Variants in NRXN1 observed in about 807,000 individuals in gnomAD.
The protein encoded by NRXN1 is neurexin-1.
NRXN1 carries 39 observed loss-of-function variants against 150.9 expected under a neutral mutation model. That is an observed-to-expected ratio of 0.26 (90% CI 0.20 to 0.34). NRXN1 has a LOEUF of 0.34. Ranked by LOEUF, NRXN1 falls within the 10% of genes least tolerant of loss-of-function variation. The pLI is 1.00. For missense variants in NRXN1, 1,815 were observed against 1,949.9 expected (o/e 0.93, Z 1.30); for synonymous variants, 924 against 757.0 (o/e 1.22, Z -3.62).
At chr2:50,681,137 G>A (rs1239371213) in intron 5 of NRXN1, among the ~76,000 whole-genome samples, 1 of 152,120 alleles carries the variant, frequency 6.6e-6, no homozygotes, top group Non-Finnish European at 1.5e-5. Flanking sequence ...TTCACTTAAG[G>A]TGGGGCAGAT....
intron 18 of NRXN1, chr2:50,207,694 T>C (rs941593408): frequency 5.9e-6 from 1 of 168,616 alleles, no homozygotes; most frequent in African/African-American, 2.4e-5. Flanking sequence ...ATTCTGATCA[T>C]TGAAGAGTCT....
chr2:50,410,058 C>T (rs1003805063), intron 17 of NRXN1, among the ~76,000 whole-genome samples: 1 of 152,108 alleles, frequency 6.6e-6, no homozygotes, highest in African/African-American at 2.4e-5. Context: ...TGTGTCCTTC[C>T]CATCAGTGCC....
At chr2:50,306,926 C>T (rs558249764) in intron 17 of NRXN1, among the ~76,000 whole-genome samples, 14 of 152,176 alleles carry the variant, frequency 9.2e-5, no homozygotes, top group African/African-American at 3.1e-4. Flanking sequence ...ATATATTAAA[C>T]AATATATGCA....
chr2:50,754,919 G>C (rs1701000260), intron 5 of NRXN1, among the ~76,000 whole-genome samples: 1 of 151,770 alleles, frequency 6.6e-6, no homozygotes. Flanking sequence ...TTAAAACATA[G>C]CTTTCATTTC....
intron 21 of NRXN1, among the ~76,000 whole-genome samples, chr2:49,975,207 T>G (rs1166469309): frequency 6.6e-6 from 1 of 150,934 alleles, no homozygotes; most frequent in African/African-American, 2.4e-5. Context: ...TCACGGAGAT[T>G]TTTTTTTTAA....
chr2:49,922,852 A>ATTTG (rs1668463695), intron 22 of NRXN1, among the ~76,000 whole-genome samples: 1 of 152,064 alleles, frequency 6.6e-6, no homozygotes, highest in African/African-American at 2.4e-5. Flanking sequence ...TTGGAGATTC[A>ATTTG]TTTGTTTACA....
At chr2:50,782,298 A>C (rs776956983) in intron 5 of NRXN1, among the ~76,000 whole-genome samples, 1 of 152,012 alleles carries the variant, frequency 6.6e-6, no homozygotes, top group Non-Finnish European at 1.5e-5. Context: ...GTGAAATCCC[A>C]TCTCTACTAA....
chr2:50,946,897 T>C (rs983741967), intron 2 of NRXN1, among the ~76,000 whole-genome samples: 2 of 152,158 alleles, frequency 1.3e-5, no homozygotes, highest in Admixed American at 1.3e-4. Context: ...GAATATTGCT[T>C]AAACTGTCCA....
chr2:50,351,220 G>T (rs1385152599), intron 17 of NRXN1, among the ~76,000 whole-genome samples: 1 of 152,112 alleles, frequency 6.6e-6, no homozygotes, highest in Non-Finnish European at 1.5e-5. Flanking sequence ...CATGGTTTTT[G>T]GCTAACTGTA....
At chr2:50,777,147 T>C (rs1364636221) in intron 5 of NRXN1, among the ~76,000 whole-genome samples, 1 of 152,122 alleles carries the variant, frequency 6.6e-6, no homozygotes, top group Non-Finnish European at 1.5e-5. Context: ...CTTTTTTAAG[T>C]ACAGAGAGTA....
At chr2:50,562,834 AT>A (rs1669304008) in intron 8 of NRXN1, among the ~76,000 whole-genome samples, 1 of 151,864 alleles carries the variant, frequency 6.6e-6, no homozygotes, top group Non-Finnish European at 1.5e-5. Flanking sequence ...ATTGATGTTT[AT>A]TTTTTCTTGA....
At chr2:50,160,836 T>C (rs1009399966) in intron 18 of NRXN1, among the ~76,000 whole-genome samples, 6 of 152,174 alleles carry the variant, frequency 3.9e-5, no homozygotes, top group African/African-American at 1.4e-4. Flanking sequence ...TACTGTTTAA[T>C]ACTAAACACA....
intron 17 of NRXN1, among the ~76,000 whole-genome samples, chr2:50,424,935 T>A (rs902909870): frequency 5.3e-5 from 8 of 152,222 alleles, no homozygotes; most frequent in Non-Finnish European, 1.0e-4. Flanking sequence ...TCACTGTAGT[T>A]CTTCATTCTA....
intron 8 of NRXN1, among the ~76,000 whole-genome samples, chr2:50,556,584 A>T (rs964782701): frequency 4.0e-5 from 6 of 151,106 alleles, no homozygotes; most frequent in Non-Finnish European, 7.4e-5. Flanking sequence ...CCATTTCTTC[A>T]AATATTTGTT....
chr2:50,652,415 A>G (rs746639418), intron 5 of NRXN1, among the ~76,000 whole-genome samples: 10 of 152,056 alleles, frequency 6.6e-5, no homozygotes, highest in Non-Finnish European at 1.3e-4. Flanking sequence ...AGGCCAACCT[A>G]AGCAAACACT....
intron 3 of NRXN1, among the ~76,000 whole-genome samples, chr2:50,925,185 AT>A (rs1686677443): frequency 6.6e-6 from 1 of 151,732 alleles, no homozygotes; most frequent in Non-Finnish European, 1.5e-5. Flanking sequence ...CACTTTGAAG[AT>A]TTGTTTGTAG....
intron 21 of NRXN1, chr2:50,024,025 G>A (rs1398002260): frequency 6.6e-6 from 1 of 152,160 alleles, no homozygotes; most frequent in African/African-American, 2.4e-5. Context: ...TGTCTGTCTA[G>A]ATACATTGCC....
At chr2:50,171,236 A>AGTGTGT (rs10666950) in intron 18 of NRXN1, among the ~76,000 whole-genome samples, 1 of 148,958 alleles carries the variant, frequency 6.7e-6, no homozygotes, top group African/African-American at 2.5e-5. Flanking sequence ...TCAAGACTCA[A>AGTGTGT]GTGTGTGTGT....
intron 18 of NRXN1, among the ~76,000 whole-genome samples, chr2:50,181,242 T>TAA (rs140218587): frequency 4.0e-5 from 6 of 151,520 alleles, no homozygotes; most frequent in South Asian, 4.2e-4. Flanking sequence ...ATGGTGAGTT[T>TAA]AAAAAAAACC....
Sources: allele counts gnomAD v4.1 joint callset (sites outside exome capture counted in the v4.1 genomes callset), GRCh38; gene constraint gnomAD v4.1.1; transcripts MANE v1.5; gene names NCBI Gene and HGNC (gene_info 2026-07-23, HGNC 2026-07-21).